The following RORA variants were observed in gnomAD, a reference collection of about 807,000 sequenced individuals.
RORA encodes nuclear receptor ROR-alpha.
RORA carries 7 observed loss-of-function variants against 69.5 expected under a neutral mutation model. The observed-to-expected ratio is 0.10, with a 90% CI of 0.06 to 0.19. RORA has a LOEUF of 0.19. Among genes scored for constraint, RORA ranks in the 10% least tolerant of loss-of-function variants. The pLI is 1.00. For missense variants in RORA, 457 were observed against 663.0 expected, an observed-to-expected ratio of 0.69 and a Z score of 3.41; for synonymous variants, 261 against 240.8, an observed-to-expected ratio of 1.08 and a Z score of -0.78.
chr15:60,713,038 CTT>C (rs1455033634), intron 1 of RORA, among the ~76,000 whole-genome samples: 2 of 152,184 alleles, frequency 1.3e-5, no homozygotes, highest in Non-Finnish European at 2.9e-5. Flanking sequence ...GGCAAACAGA[CTT>C]TTCATTTCCT....
At chr15:60,842,855 G>A (rs2073217277) in intron 1 of RORA, among the ~76,000 whole-genome samples, 1 of 152,146 alleles carries the variant, frequency 6.6e-6, no homozygotes, top group African/African-American at 2.4e-5. Flanking sequence ...AAGACACGCA[G>A]CCCAGGAAGC....
intron 1 of RORA, among the ~76,000 whole-genome samples, chr15:60,889,144 C>A (rs1184335100): frequency 6.6e-6 from 1 of 152,206 alleles, no homozygotes; most frequent in Non-Finnish European, 1.5e-5. Flanking sequence ...GTGTTTACCC[C>A]ACCATTATCC....
intron 1 of RORA, among the ~76,000 whole-genome samples, chr15:60,757,345 A>T (rs1037199255): frequency 2.6e-5 from 4 of 152,124 alleles, no homozygotes; most frequent in Non-Finnish European, 5.9e-5. Flanking sequence ...CAGCCAGCCA[A>T]CCAGCTATAC....
In RORA at chr15:60,501,149, G is replaced by C; in HGVS notation, c.1184-80C>G. On this transcript the variant is annotated intron_variant, in intron 8 of 10. Transcript: ENST00000335670. ...AAACCTAGGTCTTAGGTTTTCCTAA[G>C]GTTCTCCTAAGTCCAATAGAAGGTC... is the stretch of plus-strand genomic sequence containing the variant. 3 of 712,502 alleles carry C rather than the reference G, an allele frequency of 4.2e-6. No individual in the cohort carries two copies. The East Asian group carries it at 7.3e-5, about 17-fold the overall frequency. 44.1% of individuals were successfully genotyped at this position (712,502 alleles called of 1,614,324 possible).
intron 1 of RORA, among the ~76,000 whole-genome samples, chr15:60,913,755 T>C (rs528462935): frequency 1.3e-5 from 2 of 152,346 alleles, no homozygotes; most frequent in South Asian, 2.1e-4. Flanking sequence ...ATTTACTGTA[T>C]AGGGTGTCAA....
chr15:60,551,296 A>G (rs2067221082), intron 2 of RORA, among the ~76,000 whole-genome samples: 1 of 151,950 alleles, frequency 6.6e-6, no homozygotes, highest in African/African-American at 2.4e-5. Context: ...TCTGACCTCA[A>G]TATGGAGTAA....
intron 1 of RORA, chr15:60,686,818 G>C (rs2070757670): frequency 6.6e-6 from 1 of 152,436 alleles, no homozygotes; most frequent in South Asian, 2.1e-4. Flanking sequence ...GGTTGGATGA[G>C]GATGGCCCAA....
intron 1 of RORA, among the ~76,000 whole-genome samples, chr15:60,930,962 G>A (rs1436420228): frequency 1.3e-5 from 2 of 152,180 alleles, no homozygotes; most frequent in East Asian, 3.8e-4. Context: ...AAAACAGAAA[G>A]TGGTCTGTTC....
chr15:60,823,581 A>G (rs2072921820), intron 1 of RORA, among the ~76,000 whole-genome samples: 1 of 152,244 alleles, frequency 6.6e-6, no homozygotes, highest in African/African-American at 2.4e-5. Flanking sequence ...CATTAGGTGC[A>G]TATAGGCAAG....
chr15:61,040,783 T>A (rs1264490362), intron 1 of RORA, among the ~76,000 whole-genome samples: 2 of 152,230 alleles, frequency 1.3e-5, no homozygotes, highest in African/African-American at 4.8e-5. Flanking sequence ...GGAGGCTGAA[T>A]GAATGCAGAT....
At chr15:60,833,006 G>A (rs939946765) in intron 1 of RORA, among the ~76,000 whole-genome samples, 1 of 151,922 alleles carries the variant, frequency 6.6e-6, no homozygotes, top group Non-Finnish European at 1.5e-5. Context: ...CCAGGTTCAT[G>A]CCATTCTCCT....
rs377158194 is a variant in RORA, at chr15:60,785,768, C to T, written c.167-107082G>A. 3.7e-4 allele frequency among the ~76,000 whole-genome samples: 57 copies of T among 152,348 alleles called. No homozygotes were observed. The South Asian group carries it at 0.01, about 27-fold the overall frequency. The stretch of plus-strand genomic sequence containing the variant: ...TTCATGTTTCCGATCATCGCTTCCT[C>T]GGGGAAGCATTCCTCCCCTCCATAT... On this transcript the variant is annotated intron_variant, in intron 1 of 10. Transcript: ENST00000335670.
chr15:60,714,824 T>C (rs1452756312), intron 1 of RORA, among the ~76,000 whole-genome samples: 2 of 152,168 alleles, frequency 1.3e-5, no homozygotes, highest in African/African-American at 2.4e-5. Context: ...ATGTGGTCTA[T>C]AAATTATTTT....
intron 2 of RORA, among the ~76,000 whole-genome samples, chr15:60,657,475 G>C (rs771739158): frequency 6.6e-6 from 1 of 152,140 alleles, no homozygotes; most frequent in African/African-American, 2.4e-5. Context: ...AGGACTAAAG[G>C]AGTTACTCCC....
intron 1 of RORA, among the ~76,000 whole-genome samples, chr15:60,714,669 A>G (rs1411305800): frequency 6.6e-6 from 1 of 152,148 alleles, no homozygotes; most frequent in Admixed American, 6.5e-5. Context: ...CTGGTCAATT[A>G]TCTCTTTTAA....
intron 1 of RORA, among the ~76,000 whole-genome samples, chr15:60,898,058 T>C (rs963850177): frequency 1.3e-5 from 2 of 152,244 alleles, no homozygotes; most frequent in African/African-American, 4.8e-5. Context: ...AAGCTGTAAT[T>C]GTTTAGAATC....
chr15:60,511,453 T>C lies in RORA; in HGVS notation c.593A>G (p.Asp198Gly). ...CCCGTCAATGTAGTTACTGAGGTCG[T>C]CGTGAAGTTCCGTCAGCCCGTTGGC... ...ISANGLTELH[D>G]DLSNYIDGHT... The change falls in exon 5 of 11, where the codon GAC (aspartate) becomes GGC (glycine). Residue 198 changes from aspartate (D) to glycine (G), a missense_variant. Physicochemically the swap from Asp to Gly is moderately conservative, Grantham distance 94. Transcript: ENST00000335670. The surrounding 1 kb of genome is among the most constrained non-coding windows in gnomAD (Gnocchi z 6.4). The C allele has an allele frequency of 6.2e-7, 1 of 1,614,146 alleles. No individual in the cohort carries two copies. The highest frequency in any genetic ancestry group is 1.1e-5 in the South Asian group (1 of 91,088).
chr15:61,020,937 T>G (rs571175230), intron 1 of RORA, among the ~76,000 whole-genome samples: 10 of 152,230 alleles, frequency 6.6e-5, no homozygotes, highest in Non-Finnish European at 1.5e-4. Context: ...GAAACTCAAC[T>G]GACAGTGGCC....
intron 1 of RORA, among the ~76,000 whole-genome samples, chr15:61,066,162 T>A (rs890406138): frequency 6.6e-5 from 10 of 152,180 alleles, no homozygotes; most frequent in Admixed American, 6.5e-5. Flanking sequence ...AGCTTCCCAT[T>A]TTCACCTATC....
Sources: allele counts gnomAD v4.1 joint callset (sites outside exome capture counted in the v4.1 genomes callset), GRCh38; gene constraint gnomAD v4.1.1; non-coding constraint Gnocchi (gnomAD v3.1); transcripts MANE v1.5; gene names NCBI Gene and HGNC (gene_info 2026-07-23, HGNC 2026-07-21).